Variants in BIVM observed in about 807,000 individuals in gnomAD.
The protein encoded by BIVM is basic immunoglobulin-like variable motif-containing protein.
In BIVM, 31 loss-of-function variants were observed where a neutral mutation model predicts 61.4. That is an observed-to-expected ratio of 0.51 (90% CI 0.38 to 0.68). The LOEUF (loss-of-function observed/expected upper bound fraction) is 0.68, where lower values mean the gene tolerates loss of function less well. BIVM is among the 30% of genes least tolerant of loss of function. The pLI, the probability that BIVM is intolerant of heterozygous loss-of-function variation, is 0.00. For synonymous variants in BIVM, 189 were observed against 210.7 expected (o/e 0.90, Z 0.89); for missense variants, 526 against 596.0 (o/e 0.88, Z 1.22).
intron 3 of BIVM, among the ~76,000 whole-genome samples, chr13:102,809,601 CTA>C (rs1053044049): frequency 2.6e-5 from 4 of 152,188 alleles, no homozygotes; most frequent in Non-Finnish European, 4.4e-5. Context: ...AAATCTTCAA[CTA>C]TGATTGTGAA....
At chr13:102,835,714 G>T (rs571179479) in intron 9 of BIVM, among the ~76,000 whole-genome samples, 3 of 152,078 alleles carry the variant, frequency 2.0e-5, no homozygotes, top group Non-Finnish European at 4.4e-5. Context: ...TGTGTTTTTC[G>T]TAGAGACGGG....
intron 3 of BIVM, among the ~76,000 whole-genome samples, chr13:102,809,778 CTTTTCTTTCTTTT>C (rs1157617982): frequency 8.6e-6 from 1 of 116,674 alleles, no homozygotes; most frequent in Non-Finnish European, 1.8e-5. Context: ...CTTTCCTTTT[CTTTTCTTTCTTTT>C]TTTTTTTTTT....
intron 9 of BIVM, 107 bp from the exon 10 acceptor site, chr13:102,838,536 A>T: frequency 1.2e-6 from 1 of 841,106 alleles, no homozygotes; most frequent in Non-Finnish European, 1.8e-6. Context: ...AATTACTGCC[A>T]ATTATTGCTG....
intron 1 of BIVM, chr13:102,800,278 G>T (rs1372978032): frequency 2.6e-5 from 4 of 152,220 alleles, no homozygotes; most frequent in Admixed American, 1.3e-4. Context: ...CGTCCCCGGG[G>T]CCCGGGGCAA....
chr13:102,809,114 G>GCTTA (rs1566445441), intron 3 of BIVM, among the ~76,000 whole-genome samples: 1 of 152,056 alleles, frequency 6.6e-6, no homozygotes, highest in African/African-American at 2.4e-5. Flanking sequence ...TAAGATGGAA[G>GCTTA]CTTAGATCAT....
intron 3 of BIVM, among the ~76,000 whole-genome samples, chr13:102,808,201 A>G (rs1879232515): frequency 6.6e-6 from 1 of 152,132 alleles, no homozygotes; most frequent in African/African-American, 2.4e-5. Flanking sequence ...TGTACCACCA[A>G]GTGGGTTGTG....
intron 3 of BIVM, among the ~76,000 whole-genome samples, chr13:102,809,247 C>G (rs1335317096): frequency 6.6e-6 from 1 of 152,250 alleles, no homozygotes; most frequent in Non-Finnish European, 1.5e-5. Flanking sequence ...TTTCTAATTT[C>G]CTTTGCAATT....
chr13:102,810,887 A>C (rs113395339), intron 3 of BIVM, among the ~76,000 whole-genome samples: 7,571 of 152,132 alleles, frequency 0.05, 206 homozygotes, highest in Middle Eastern at 0.072. Flanking sequence ...CATCACCACG[A>C]CTGGCTAATT....
intron 6 of BIVM, 85 bp downstream of exon 6, chr13:102,821,932 G>C: frequency 6.5e-7 from 1 of 1,539,128 alleles, no homozygotes; most frequent in Non-Finnish European, 8.9e-7. Context: ...AGTAAACCAT[G>C]TATCCAGCTG....
intron 9 of BIVM, among the ~76,000 whole-genome samples, chr13:102,835,055 T>G (rs890867812): frequency 6.6e-6 from 1 of 152,056 alleles, no homozygotes; most frequent in Non-Finnish European, 1.5e-5. Context: ...ATATAAAAAT[T>G]TTATTAAAAT....
chr13:102,833,140 T>C (rs1362220098), intron 8 of BIVM, among the ~76,000 whole-genome samples: 1 of 151,510 alleles, frequency 6.6e-6, no homozygotes, highest in African/African-American at 2.4e-5. Context: ...GCACCTGTAG[T>C]CCCAGCTACT....
At chr13:102,812,246 A>G (rs2139170148) in intron 3 of BIVM, among the ~76,000 whole-genome samples, 1 of 152,204 alleles carries the variant, frequency 6.6e-6, no homozygotes, top group Non-Finnish European at 1.5e-5. Context: ...CTATCTCTTC[A>G]TTGATATTTC....
chr13:102,827,290 T>TTA (rs1880740114), intron 7 of BIVM, among the ~76,000 whole-genome samples: 1 of 151,524 alleles, frequency 6.6e-6, no homozygotes, highest in African/African-American at 2.4e-5. Flanking sequence ...TTTTTTTTTT[T>TTA]AACCTATTTG....
intron 3 of BIVM, among the ~76,000 whole-genome samples, chr13:102,813,528 C>T (rs143923273): frequency 3.0e-4 from 45 of 152,180 alleles, no homozygotes; most frequent in Admixed American, 5.9e-4. Flanking sequence ...GTTATAATAT[C>T]TACTTTAATT....
At chr13:102,822,480 G>A (rs369575558) in intron 7 of BIVM, among the ~76,000 whole-genome samples, 4 of 152,190 alleles carry the variant, frequency 2.6e-5, no homozygotes, top group Admixed American at 6.5e-5. Context: ...GCGTGTGTAC[G>A]CGCACATGCT....
chr13:102,818,798 T>C (rs1337245183), intron 4 of BIVM, among the ~76,000 whole-genome samples: 2 of 152,210 alleles, frequency 1.3e-5, no homozygotes, highest in South Asian at 2.1e-4. Context: ...CAAGTTTAGA[T>C]TGATGAAAAA....
chr13:102,838,220 A>G (rs1881616500), intron 9 of BIVM, among the ~76,000 whole-genome samples: 1 of 152,204 alleles, frequency 6.6e-6, no homozygotes, highest in South Asian at 2.1e-4. Context: ...ATCTTTACCA[A>G]ATCCTTTTAG....
chr13:102,814,961 T>C (rs1879762068), intron 3 of BIVM, among the ~76,000 whole-genome samples: 1 of 152,122 alleles, frequency 6.6e-6, no homozygotes, highest in African/African-American at 2.4e-5. Context: ...GGAGGATTGC[T>C]TGAGCCCCGG....
intron 3 of BIVM, among the ~76,000 whole-genome samples, chr13:102,815,505 T>G (rs1285728267): frequency 6.6e-6 from 1 of 152,222 alleles, no homozygotes; most frequent in African/African-American, 2.4e-5. Context: ...GAAATAAAAC[T>G]TATAAAAATA....
Sources: gnomAD v4.1 joint callset for allele counts (sites outside exome capture counted in the v4.1 genomes callset) on GRCh38, gnomAD v4.1.1 for gene constraint, MANE v1.5 for transcripts, NCBI Gene and HGNC (gene_info 2026-07-23, HGNC 2026-07-21) for gene names.